BAIAP2: variants seen among roughly 807,000 people sequenced by gnomAD.
The protein encoded by BAIAP2 is BAR/IMD domain containing adaptor protein 2, also known as BAR/IMD domain-containing adapter protein 2.
Under a neutral mutation model 63.0 loss-of-function variants are expected in BAIAP2, and 18 were observed. The ratio of observed to expected loss-of-function variants is 0.29; its 90% CI spans 0.20 to 0.42. The LOEUF is 0.42. BAIAP2 is among the 10% of genes least tolerant of loss of function. The pLI is 1.00. For synonymous variants in BAIAP2, 386 were observed against 307.6 expected (o/e 1.25, Z -2.67); for missense variants, 610 against 734.3 (o/e 0.83, Z 1.96).
intron 13 of BAIAP2, among the ~76,000 whole-genome samples, chr17:81,114,818 G>GCCCGT (rs751720502): frequency 1.8e-4 from 28 of 152,302 alleles, no homozygotes; most frequent in Non-Finnish European, 3.5e-4. Flanking sequence ...GAGTCTGCCT[G>GCCCGT]CCCGTCCCCA....
chr17:81,100,341 TC>T (rs2058317395), intron 7 of BAIAP2, among the ~76,000 whole-genome samples: 1 of 92,776 alleles, frequency 1.1e-5, no homozygotes, highest in Non-Finnish European at 2.6e-5. Context: ...TCTAGAACAT[TC>T]TTCTAGAATG....
intron 13 of BAIAP2, 106 bp downstream of exon 13, chr17:81,108,615 G>A (rs2059463617): frequency 1.4e-6 from 2 of 1,406,978 alleles, no homozygotes; most frequent in Admixed American, 3.7e-5. Context: ...TTCCTTTAGG[G>A]CCCAGCCTGG....
chr17:81,053,183 C>T (rs1407972718), intron 1 of BAIAP2, among the ~76,000 whole-genome samples: 1 of 151,970 alleles, frequency 6.6e-6, no homozygotes, highest in Non-Finnish European at 1.5e-5. Flanking sequence ...ATCTGCAGAT[C>T]AGGCTGCAGT....
intron 1 of BAIAP2, 32 bp from the exon 2 acceptor site, chr17:81,053,636 A>G: frequency 1.2e-6 from 2 of 1,613,056 alleles, no homozygotes; most frequent in Non-Finnish European, 1.7e-6. Context: ...GACCTCTGCC[A>G]GTAATGCTGT....
chr17:81,052,513 G>A (rs1306627310), intron 1 of BAIAP2, among the ~76,000 whole-genome samples: 1 of 152,216 alleles, frequency 6.6e-6, no homozygotes, highest in Non-Finnish European at 1.5e-5. Context: ...AGGTGTACCC[G>A]GCCTGCTGTG....
intron 6 of BAIAP2, chr17:81,097,531 G>C (rs1479264723): frequency 6.6e-6 from 1 of 152,254 alleles, no homozygotes; most frequent in East Asian, 1.9e-4. Flanking sequence ...TAGGCGGGGC[G>C]GCCGCGAGGC....
At chr17:81,037,869 A>C (rs538125282) in intron 1 of BAIAP2, among the ~76,000 whole-genome samples, 1 of 152,370 alleles carries the variant, frequency 6.6e-6, no homozygotes, top group East Asian at 1.9e-4. Flanking sequence ...TGCGAGAATA[A>C]AAAGTGCAGT....
intron 3 of BAIAP2, among the ~76,000 whole-genome samples, chr17:81,080,222 A>T (rs1242986453): frequency 6.6e-6 from 1 of 152,172 alleles, no homozygotes; most frequent in East Asian, 1.9e-4. Flanking sequence ...GCACACACTC[A>T]TGCTCCCGGC....
intron 6 of BAIAP2, among the ~76,000 whole-genome samples, chr17:81,099,018 C>G (rs536760311): frequency 6.7e-6 from 1 of 148,650 alleles, no homozygotes; most frequent in Non-Finnish European, 1.5e-5. Flanking sequence ...CGGGGACACC[C>G]GGGTGGGCAC....
intron 3 of BAIAP2, among the ~76,000 whole-genome samples, chr17:81,066,219 G>C (rs922533453): frequency 6.6e-6 from 1 of 152,220 alleles, no homozygotes; most frequent in African/African-American, 2.4e-5. Context: ...CACAGGGCGT[G>C]TGTGTACCTG....
Position 81,057,970 on chromosome 17 carries a change from G to A in BAIAP2, c.217+3G>A. 3 of 1,215,182 alleles carry A rather than the reference G, an allele frequency of 2.5e-6. No homozygotes were observed. Among genetic ancestry groups the A allele is most frequent in the South Asian group, 1.4e-5 (1 of 70,326 alleles). 75.3% of individuals were successfully genotyped at this position (1,215,182 alleles called of 1,614,324 possible). ...GAGCCAGGGCTCCAAAGAACTCGGT[G>A]AGACCCCCCCCCCCCCCCCGCCTGG... is the stretch of plus-strand genomic sequence containing the variant. On this transcript the variant is annotated splice_donor_region_variant and intron_variant, in intron 3 of 13. Coordinates refer to ENST00000428708, the MANE Select transcript of BAIAP2 (RefSeq NM_001144888.2).
intron 1 of BAIAP2, among the ~76,000 whole-genome samples, chr17:81,048,841 G>T (rs1261189463): frequency 6.6e-6 from 1 of 152,188 alleles, no homozygotes; most frequent in East Asian, 1.9e-4. Flanking sequence ...GTCCCAGCAG[G>T]AGGGCAGCCA....
At position 81,041,519 on chromosome 17, in the gene BAIAP2, T is replaced by A. The variant is rs2047072257; in HGVS notation, c.54+6211T>A. ...TTTTATACTTACTGGAACAGTTGTCTTATAATTGGGTAGTGTTTTTTCGTT... is the reference window on the plus strand; with the variant it reads ...TTTTATACTTACTGGAACAGTTGTCATATAATTGGGTAGTGTTTTTTCGTT... On this transcript the variant is annotated intron_variant, in intron 1 of 13. Coordinates refer to ENST00000428708, the MANE Select transcript of BAIAP2 (RefSeq NM_001144888.2). 3.3e-5 allele frequency among the ~76,000 whole-genome samples: 5 copies of A among 152,226 alleles called. No individual in the cohort carries two copies. The South Asian group carries it at 1.0e-3, about 32-fold the overall frequency.
At chr17:81,111,020 C>G in intron 13 of BAIAP2, 1 of 1,599,296 alleles carries the variant, frequency 6.3e-7, no homozygotes, top group South Asian at 1.1e-5. Flanking sequence ...CACGGGCCCT[C>G]TGGCCTCAGT....
chr17:81,102,734 G>A (rs1372166143), intron 7 of BAIAP2, among the ~76,000 whole-genome samples: 3 of 152,108 alleles, frequency 2.0e-5, no homozygotes, highest in Admixed American at 6.5e-5. Context: ...GGGATGAGTT[G>A]GGGGGAGCAG....
chr17:81,063,786 G>A (rs551376997), intron 3 of BAIAP2: 9 of 152,466 alleles, frequency 5.9e-5, no homozygotes, highest in East Asian at 5.8e-4. Context: ...CTTCAGCCCC[G>A]GGGACGTTGC....
At chr17:81,079,889 C>T (rs74855936) in intron 3 of BAIAP2, among the ~76,000 whole-genome samples, 1,951 of 152,260 alleles carry the variant, frequency 0.013, 70 homozygotes, top group East Asian at 0.094. Context: ...CACCCTGTCC[C>T]TCAGCAGGGT....
intron 3 of BAIAP2, chr17:81,083,587 T>G (rs2055013803): frequency 6.6e-6 from 1 of 152,134 alleles, no homozygotes; most frequent in South Asian, 2.1e-4. Flanking sequence ...TGAGGGGCTG[T>G]GGCATGCTTC....
At chr17:81,101,540 T>G (rs1332075948) in intron 7 of BAIAP2, among the ~76,000 whole-genome samples, 1 of 152,172 alleles carries the variant, frequency 6.6e-6, no homozygotes, top group Non-Finnish European at 1.5e-5. Flanking sequence ...GCCCTGGTCA[T>G]GTCTTTCTAA....
Sources: allele counts gnomAD v4.1 joint callset (sites outside exome capture counted in the v4.1 genomes callset), GRCh38; gene constraint gnomAD v4.1.1; transcripts MANE v1.5; gene names NCBI Gene and HGNC (gene_info 2026-07-23, HGNC 2026-07-21).